ALG11: variants seen among roughly 807,000 people sequenced by gnomAD.
ALG11 encodes the protein GDP-Man:Man(3)GlcNAc(2)-PP-Dol alpha-1,2-mannosyltransferase.
In ALG11, 26 loss-of-function variants were observed where a neutral mutation model predicts 38.8. That is an observed-to-expected ratio of 0.67 (90% CI 0.49 to 0.93). The LOEUF (loss-of-function observed/expected upper bound fraction) is 0.93, where lower values mean the gene tolerates loss of function less well. Among genes scored for constraint, ALG11 ranks in the 40% least tolerant of loss-of-function variants. The probability of loss-of-function intolerance (pLI) is 0.00; values close to 1 mark genes in which losing one functional copy is unlikely to be tolerated. For synonymous variants in ALG11, 199 were observed against 211.6 expected (o/e 0.94, Z 0.52); for missense variants, 535 against 578.8 (o/e 0.92, Z 0.78).
rs1162006696 is a variant in ALG11, at chr13:52,028,582, T to C, written c.1471T>C (p.Phe491Leu). ...ATTCCTATCATCTGTGGAAAAGTTA[T>C]TTAAGTAATGCCATATCTGTAAAAT... ...VTFLSSVEKL[F>L]K The change falls in exon 4 of 4, where the codon TTT (phenylalanine) becomes CTT (leucine). Residue 491 changes from phenylalanine to leucine, a missense_variant. Transcript: ENST00000521508. 2.5e-6 allele frequency: 4 copies of C among 1,613,782 alleles called. No homozygotes were observed. Among genetic ancestry groups the C allele is most frequent in the South Asian group, 2.2e-5 (2 of 91,090 alleles).
At chr13:52,021,058 G>A (rs1007275152) in intron 2 of ALG11, 6 of 152,152 alleles carry the variant, frequency 3.9e-5, no homozygotes, top group African/African-American at 1.4e-4. Flanking sequence ...AGTTGAGAGA[G>A]ACAAGATAAT....
Position 52,029,996 on chromosome 13 carries a change from G to A in ALG11, c.*1406G>A, listed in dbSNP as rs747764840. 3.1e-6 allele frequency: 5 copies of A among 1,614,144 alleles called. No homozygotes were observed. The highest frequency in any genetic ancestry group is 1.1e-5 in the South Asian group (1 of 91,094). ...GGACCCTGAGCAAGTGCCAGAGCTTGCAGCTCATGAGGTTTCTGCAAGTGA... is the reference window on the plus strand; with the variant it reads ...GGACCCTGAGCAAGTGCCAGAGCTTACAGCTCATGAGGTTTCTGCAAGTGA... On this transcript the variant is annotated 3_prime_UTR_variant, in exon 4 of 4. Transcript: ENST00000521508.
chr13:52,029,614 A>C lies in ALG11; in HGVS notation c.*1024A>C, dbSNP rs764917319. On this transcript the variant is annotated 3_prime_UTR_variant, in exon 4 of 4. Transcript: ENST00000521508. ...AAGCCTTAAAAGAGTTTGAGCAGCT[A>C]CAGAAGGTTAATCCAACTGTGGCAC... 19 of 1,614,118 alleles carry C rather than the reference A, an allele frequency of 1.2e-5. No homozygotes were observed. The highest frequency in any genetic ancestry group is 1.5e-5 in the Non-Finnish European group (18 of 1,180,044).
At chr13:52,019,903 GGTGACAGA>G (rs1295228447) in intron 2 of ALG11, among the ~76,000 whole-genome samples, 2 of 152,094 alleles carry the variant, frequency 1.3e-5, no homozygotes, top group African/African-American at 4.8e-5. Context: ...CTCCAGCCTG[GGTGACAGA>G]GTGAGAACCC....
chr13:52,029,828 A>G lies in ALG11; in HGVS notation c.*1238A>G, dbSNP rs1566712997. On this transcript the variant is annotated 3_prime_UTR_variant, in exon 4 of 4. Transcript: ENST00000521508. The stretch of plus-strand genomic sequence containing the variant: ...ACAGAAACTCCAGGTAGCCTCTGAG[A>G]GTGAGGAAGAGGAGGGAGGCACAGA... The G allele has an allele frequency of 1.2e-6, 2 of 1,614,222 alleles. No individual in the cohort carries two copies. Among genetic ancestry groups the G allele is most frequent in the Non-Finnish European group, 8.5e-7 (1 of 1,180,044 alleles).
intron 1 of ALG11, chr13:52,016,708 G>A (rs970598058): frequency 1.3e-5 from 2 of 152,312 alleles, no homozygotes; most frequent in African/African-American, 4.8e-5. Context: ...CTAGATTGCA[G>A]AAGATGTATA....
In ALG11 at chr13:52,030,047, G is replaced by A; in HGVS notation, c.*1457G>A. 6.2e-7 allele frequency: 1 copy of A among 1,614,216 alleles called. No homozygotes were observed. Reference sequence around the variant, plus strand: ...GGCAGAAGAAAGACCAGTGGCAGAGGAAGAAATTTTGTTGAGAGAATTTGA... The same window carrying A: ...GGCAGAAGAAAGACCAGTGGCAGAGAAAGAAATTTTGTTGAGAGAATTTGA... On this transcript the variant is annotated 3_prime_UTR_variant, in exon 4 of 4. Transcript: ENST00000521508.
chr13:52,026,322 A>C lies in ALG11; in HGVS notation c.1207+1385A>C, dbSNP rs141929092. Reference sequence around the variant, plus strand: ...AGATGCATCAATAGGAACATTCAGCAGGAAGACAACAGAGAGGTGATATAG... The same window carrying C: ...AGATGCATCAATAGGAACATTCAGCCGGAAGACAACAGAGAGGTGATATAG... On this transcript the variant is annotated intron_variant, in intron 3 of 3. Transcript: ENST00000521508. Among the ~76,000 whole-genome samples the C allele has an allele frequency of 3.4e-3, 514 of 152,328 alleles. 3 individuals are homozygous for C. Among genetic ancestry groups the C allele is most frequent in the African/African-American group, 0.011 (465 of 41,580 alleles).
chr13:52,012,624 A>G (rs960919958), intron 1 of ALG11, among the ~76,000 whole-genome samples, 162 bp downstream of exon 1: 10 of 152,110 alleles, frequency 6.6e-5, no homozygotes, highest in African/African-American at 1.9e-4. Flanking sequence ...GGGGTCTTCT[A>G]TATAGACTGG....
chr13:52,030,556 TGAA>T lies in ALG11; in HGVS notation c.*1969_*1971del. Reference sequence around the variant, plus strand: ...CCACAATAATAGAGGAGCTGGAAGATGAAGAGGAGAGAGACCAAAGGCAGATGA... The same window carrying T: ...CCACAATAATAGAGGAGCTGGAAGATGAGGAGAGAGACCAAAGGCAGATGA... On this transcript the variant is annotated 3_prime_UTR_variant, in exon 4 of 4. Coordinates refer to ENST00000521508, the MANE Select transcript of ALG11 (RefSeq NM_001004127.3). 7 of 1,614,070 alleles carry T rather than the reference TGAA, an allele frequency of 4.3e-6. No individual in the cohort carries two copies. The highest frequency in any genetic ancestry group is 5.9e-6 in the Non-Finnish European group (7 of 1,180,020).
Position 52,029,319 on chromosome 13 carries a change from A to G in ALG11, c.*729A>G, listed in dbSNP as rs748442937. On this transcript the variant is annotated 3_prime_UTR_variant, in exon 4 of 4. Coordinates refer to ENST00000521508, the MANE Select transcript of ALG11 (RefSeq NM_001004127.3). Reference sequence around the variant, plus strand: ...CAGCCAGCCATTGCTCCCATTGAACATGCGCTCAGTGGCTGGAAGGCAAGA... The same window carrying G: ...CAGCCAGCCATTGCTCCCATTGAACGTGCGCTCAGTGGCTGGAAGGCAAGA... The G allele has an allele frequency of 1.2e-6, 2 of 1,614,174 alleles. No individual in the cohort carries two copies. The highest frequency in any genetic ancestry group is 1.7e-6 in the Non-Finnish European group (2 of 1,180,030).
intron 2 of ALG11, among the ~76,000 whole-genome samples, 154 bp downstream of exon 2, chr13:52,019,297 C>T (rs1393397959): frequency 6.9e-6 from 1 of 144,440 alleles, no homozygotes; most frequent in Non-Finnish European, 1.5e-5. Flanking sequence ...TGTCGGCTCA[C>T]TGCAAGCTCC....
intron 1 of ALG11, 49 bp downstream of exon 1, chr13:52,012,511 G>A (rs751831995): frequency 1.9e-6 from 3 of 1,613,410 alleles, no homozygotes; most frequent in South Asian, 2.2e-5. Context: ...TTCTGTAGGG[G>A]TACTTGCCCG....
chr13:52,019,115 T>C lies in ALG11; in HGVS notation c.247T>C (p.Trp83Arg). Residue 83 changes from tryptophan to arginine, a missense_variant, in exon 2 of 4, where the codon TGG becomes CGG. Trp to Arg is a moderately radical substitution (Grantham distance 101). Coordinates refer to ENST00000521508, the MANE Select transcript of ALG11 (RefSeq NM_001004127.3). ...TGGTGGAGGAGGAGAAAGAGTTTTA[T>C]GGTGTGCTTTAAGAGCCCTGCAGAA... is the stretch of plus-strand genomic sequence containing the variant. Reference protein sequence around the residue: ...NAGGGGERVLWCALRALQKKY... With the variant: ...NAGGGGERVLRCALRALQKKY... 6.2e-7 allele frequency: 1 copy of C among 1,614,084 alleles called. No homozygotes were observed. The highest frequency in any genetic ancestry group is 8.5e-7 in the Non-Finnish European group (1 of 1,179,986).
chr13:52,030,639 G>A lies in ALG11; in HGVS notation c.*2049G>A. On this transcript the variant is annotated 3_prime_UTR_variant, in exon 4 of 4. Coordinates refer to ENST00000521508, the MANE Select transcript of ALG11 (RefSeq NM_001004127.3). ...ATCAGAGATTTCTTGAAAGAGAAGA[G>A]GGAAGCTGTGGAGGCGAGTAAGCCA... 6.2e-7 allele frequency: 1 copy of A among 1,614,198 alleles called. No homozygotes were observed. Among genetic ancestry groups the A allele is most frequent in the Non-Finnish European group, 8.5e-7 (1 of 1,180,038 alleles).
Position 52,026,588 on chromosome 13 carries a change from T to G in ALG11, c.1207+1651T>G, listed in dbSNP as rs551442474. ...ATTCTGCAGTAGTATTGACCAGGAC[T>G]TGGTGATTAACTGGATGTGTTAAAT... is the stretch of plus-strand genomic sequence containing the variant. On this transcript the variant is annotated intron_variant, in intron 3 of 3. Coordinates refer to ENST00000521508, the MANE Select transcript of ALG11 (RefSeq NM_001004127.3). 1.3e-4 allele frequency among the ~76,000 whole-genome samples: 20 copies of G among 152,202 alleles called. No homozygotes were observed. In the South Asian group the frequency reaches 4.1e-3, roughly 32 times the overall value.
rs772218474 is a variant in ALG11 at position 52,030,210 on chromosome 13, A to G, written c.*1620A>G. ...CTATCTCAGAAATTGAAGGAAAAACATCAGTCCAGGAAGCAAAAAGCAAGT... is the reference window on the plus strand; with the variant it reads ...CTATCTCAGAAATTGAAGGAAAAACGTCAGTCCAGGAAGCAAAAAGCAAGT... On this transcript the variant is annotated 3_prime_UTR_variant, in exon 4 of 4. Coordinates refer to ENST00000521508, the MANE Select transcript of ALG11 (RefSeq NM_001004127.3). 1.5e-5 allele frequency: 24 copies of G among 1,614,206 alleles called. No homozygotes were observed. Among genetic ancestry groups the G allele is most frequent in the Non-Finnish European group, 1.9e-5 (22 of 1,180,036 alleles).
At position 52,024,083 on chromosome 13, in the gene ALG11, G is replaced by C. The variant is rs377575937; in HGVS notation, c.353G>C (p.Arg118Thr). 1 of 1,614,156 alleles carries C rather than the reference G, an allele frequency of 6.2e-7. No homozygotes were observed. The highest frequency in any genetic ancestry group is 8.5e-7 in the Non-Finnish European group (1 of 1,180,018). The change falls in exon 3 of 4, where the codon AGA (arginine) becomes ACA (threonine). Residue 118 changes from arginine to threonine, a missense_variant. Coordinates refer to ENST00000521508, the MANE Select transcript of ALG11 (RefSeq NM_001004127.3). ...CAACAGATACTAGAAGGTGCTTTCA[G>C]AAGATTTAACATCAGATTAATTCAC... ...NGQQILEGAF[R>T]RFNIRLIHPV... is the part of the protein sequence containing the mutation.
At chr13:52,020,179 A>G (rs185229071) in intron 2 of ALG11, among the ~76,000 whole-genome samples, 2 of 152,280 alleles carry the variant, frequency 1.3e-5, no homozygotes, top group East Asian at 3.9e-4. Flanking sequence ...TACCAGCTGG[A>G]TAGTCTCAAC....
Sources: allele counts gnomAD v4.1 joint callset (sites outside exome capture counted in the v4.1 genomes callset), GRCh38; gene constraint gnomAD v4.1.1; transcripts MANE v1.5; gene names NCBI Gene and HGNC (gene_info 2026-07-23, HGNC 2026-07-21).